CNTN4: variants seen among roughly 807,000 people sequenced by gnomAD.
CNTN4 encodes contactin 4.
In CNTN4, 77 loss-of-function variants were observed where a neutral mutation model predicts 122.5. That is an observed-to-expected ratio of 0.63 (90% CI 0.52 to 0.76). The LOEUF is 0.76. CNTN4 is among the 30% of genes least tolerant of loss of function. The probability of loss-of-function intolerance (pLI) is 0.00; values close to 1 mark genes in which losing one functional copy is unlikely to be tolerated. For synonymous variants in CNTN4, 512 were observed against 447.0 expected, an observed-to-expected ratio of 1.15 and a Z score of -1.83; for missense variants, 1,256 against 1,259.1, an observed-to-expected ratio of 1.00 and a Z score of 0.04.
At chr3:2,331,454 C>G (rs186727823) in intron 2 of CNTN4, among the ~76,000 whole-genome samples, 195 of 152,256 alleles carry the variant, frequency 1.3e-3, no homozygotes, top group Admixed American at 5.0e-3. Context: ...ATGACAGTAA[C>G]AAACCCCATC....
intron 2 of CNTN4, among the ~76,000 whole-genome samples, chr3:2,182,571 G>T (rs1244209787): frequency 6.6e-6 from 1 of 151,978 alleles, no homozygotes; most frequent in Admixed American, 6.6e-5. Flanking sequence ...GGGGTAACCA[G>T]TCAAATAAAA....
chr3:2,155,307 T>A (rs2149142121), intron 2 of CNTN4, among the ~76,000 whole-genome samples: 1 of 152,300 alleles, frequency 6.6e-6, no homozygotes, highest in East Asian at 1.9e-4. Flanking sequence ...TTGCAGAGGC[T>A]CTGTCTCTTA....
At chr3:2,789,985 G>T (rs1453943558) in intron 6 of CNTN4, among the ~76,000 whole-genome samples, 7 of 152,160 alleles carry the variant, frequency 4.6e-5, no homozygotes, top group Non-Finnish European at 7.4e-5. Context: ...GGTACAATTA[G>T]TAATAATGAT....
chr3:2,944,156 T>G (rs75887408), intron 13 of CNTN4, among the ~76,000 whole-genome samples: 3 of 140,774 alleles, frequency 2.1e-5, no homozygotes, highest in Non-Finnish European at 4.7e-5. Flanking sequence ...TTTTGGGGGG[T>G]TTTTTTTTTG....
At chr3:2,685,738 C>A (rs2085399724) in intron 4 of CNTN4, among the ~76,000 whole-genome samples, 1 of 151,782 alleles carries the variant, frequency 6.6e-6, no homozygotes, top group South Asian at 2.1e-4. Context: ...TCTGTTTTTC[C>A]TTGCTAGATT....
chr3:2,229,485 C>G (rs2039404688), intron 2 of CNTN4, among the ~76,000 whole-genome samples: 1 of 152,108 alleles, frequency 6.6e-6, no homozygotes, highest in African/African-American at 2.4e-5. Context: ...AATCAAGACT[C>G]TAATTATGCA....
chr3:2,534,460 A>G (rs1393121818), intron 3 of CNTN4, among the ~76,000 whole-genome samples: 1 of 152,008 alleles, frequency 6.6e-6, no homozygotes, highest in East Asian at 1.9e-4. Flanking sequence ...ATCTTTCTTA[A>G]GCCTTGTTCC....
At chr3:2,287,056 A>C (rs1439258688) in intron 2 of CNTN4, among the ~76,000 whole-genome samples, 1 of 152,186 alleles carries the variant, frequency 6.6e-6, no homozygotes, top group Non-Finnish European at 1.5e-5. Context: ...ACATTGTCTC[A>C]CTGGAACTCT....
At chr3:2,683,730 C>T (rs980703) in intron 4 of CNTN4, among the ~76,000 whole-genome samples, 72,298 of 151,896 alleles carry the variant, frequency 0.48, 19,551 homozygotes, top group African/African-American at 0.75. Context: ...AAGGTAAACA[C>T]ATATAAGAAA....
chr3:2,508,418 T>G (rs1408421066), intron 3 of CNTN4, among the ~76,000 whole-genome samples: 1 of 152,230 alleles, frequency 6.6e-6, no homozygotes, highest in Non-Finnish European at 1.5e-5. Flanking sequence ...GGTGACTTAT[T>G]GCTGAAGATT....
At chr3:2,777,972 T>C (rs986231900) in intron 6 of CNTN4, among the ~76,000 whole-genome samples, 2 of 152,070 alleles carry the variant, frequency 1.3e-5, no homozygotes, top group Non-Finnish European at 2.9e-5. Flanking sequence ...GCCAGCACTT[T>C]GGGAGGCCGA....
At chr3:2,437,957 T>C (rs1451030806) in intron 3 of CNTN4, among the ~76,000 whole-genome samples, 2 of 152,162 alleles carry the variant, frequency 1.3e-5, no homozygotes, top group East Asian at 1.9e-4. Flanking sequence ...TCAGTATTAA[T>C]AGATCCATTC....
chr3:2,834,015 G>A (rs1463465944), intron 7 of CNTN4, among the ~76,000 whole-genome samples: 4 of 151,866 alleles, frequency 2.6e-5, no homozygotes, highest in Non-Finnish European at 4.4e-5. Context: ...GCATGGTGGC[G>A]GGCACCTGTA....
chr3:2,190,303 TTGTG>T (rs10685358), intron 2 of CNTN4, among the ~76,000 whole-genome samples: 1,798 of 149,432 alleles, frequency 0.012, 34 homozygotes, highest in African/African-American at 0.042. Context: ...CACATCTGAC[TTGTG>T]TGTGTGTGTG....
intron 3 of CNTN4, among the ~76,000 whole-genome samples, chr3:2,522,063 C>A (rs541113282): frequency 6.6e-6 from 1 of 151,970 alleles, no homozygotes; most frequent in Non-Finnish European, 1.5e-5. Flanking sequence ...ACACAGAGCA[C>A]TTAGGGGTTT....
chr3:2,227,127 T>A (rs1207222225), intron 2 of CNTN4, among the ~76,000 whole-genome samples: 1 of 152,190 alleles, frequency 6.6e-6, no homozygotes, highest in East Asian at 1.9e-4. Context: ...TTCATTGTGA[T>A]GTTTTTTAAT....
At chr3:2,777,967 C>T (rs952611256) in intron 6 of CNTN4, among the ~76,000 whole-genome samples, 18 of 152,190 alleles carry the variant, frequency 1.2e-4, no homozygotes, top group South Asian at 6.2e-4. Flanking sequence ...GTAATGCCAG[C>T]ACTTTGGGAG....
At chr3:2,426,571 G>T (rs915906021) in intron 3 of CNTN4, among the ~76,000 whole-genome samples, 2 of 152,168 alleles carry the variant, frequency 1.3e-5, no homozygotes, top group African/African-American at 4.8e-5. Context: ...GTATCAGGAT[G>T]ATGCTGGCCT....
Position 2,223,178 on chromosome 3 carries a change from C to G in CNTN4, c.-144-116000C>G, listed in dbSNP as rs571397476. On this transcript the variant is annotated intron_variant, in intron 2 of 24. Transcript: ENST00000418658. Reference sequence around the variant, plus strand: ...ACCTTCACCAAAGGGGAATGGAGAGCCAGTAAGTAAAGGCACTCCTTTACT... The same window carrying G: ...ACCTTCACCAAAGGGGAATGGAGAGGCAGTAAGTAAAGGCACTCCTTTACT... Among the ~76,000 whole-genome samples the G allele has an allele frequency of 3.0e-3, 460 of 152,126 alleles. 3 individuals are homozygous for G. The highest frequency in any genetic ancestry group is 0.011 in the African/African-American group (440 of 41,532).
Sources: gnomAD v4.1 joint callset for allele counts (sites outside exome capture counted in the v4.1 genomes callset) on GRCh38, gnomAD v4.1.1 for gene constraint, MANE v1.5 for transcripts, NCBI Gene and HGNC (gene_info 2026-07-23, HGNC 2026-07-21) for gene names.